The following USP9X variants were observed in gnomAD, a reference collection of about 807,000 sequenced individuals.
USP9X encodes the protein ubiquitin carboxyl-terminal hydrolase 9X.
A neutral mutation model predicts 190.3 loss-of-function variants in USP9X; 7 were observed. That is an observed-to-expected ratio of 0.04 (90% CI 0.02 to 0.07). USP9X has a LOEUF of 0.07. Among genes scored for constraint, USP9X ranks in the 10% least tolerant of loss-of-function variants. The probability of loss-of-function intolerance (pLI) is 1.00; values close to 1 mark genes in which losing one functional copy is unlikely to be tolerated. For missense variants in USP9X, 1,010 were observed against 1,916.9 expected, an observed-to-expected ratio of 0.53 and a Z score of 8.83; for synonymous variants, 645 against 659.5, an observed-to-expected ratio of 0.98 and a Z score of 0.34.
chrX:41,102,819 G>A (rs2062044056), intron 1 of USP9X, among the ~76,000 whole-genome samples: 1 of 107,144 alleles, frequency 9.3e-6, no homozygotes, highest in Non-Finnish European at 1.9e-5. Context: ...TTGAGACGGA[G>A]TCTTGCTCTC....
chrX:41,125,684 A>ACACACACACACACCCTCTCTCTCTCTCT, intron 2 of USP9X, among the ~76,000 whole-genome samples: 1 of 19,027 alleles, frequency 5.3e-5, no homozygotes, highest in Non-Finnish European at 9.0e-5. Context: ...ACACACACAC[A>ACACACACACACACCCTCTCTCTCTCTCT]CTCTCTCTCT....
chrX:41,165,224 CTG>C (rs1363042075), intron 15 of USP9X, among the ~76,000 whole-genome samples: 2 of 111,318 alleles, frequency 1.8e-5, no homozygotes, highest in African/African-American at 6.5e-5. Context: ...TTAAATATGA[CTG>C]TTGTTAATTG....
At chrX:41,206,893 G>A (rs1284304807) in intron 32 of USP9X, among the ~76,000 whole-genome samples, 1 of 106,381 alleles carries the variant, frequency 9.4e-6, no homozygotes, top group African/African-American at 3.4e-5. Flanking sequence ...TTCTGCCTCA[G>A]CCTCCTGAGT....
chrX:41,225,539 G>A (rs917286664), intron 41 of USP9X, among the ~76,000 whole-genome samples: 4 of 112,132 alleles, frequency 3.6e-5, no homozygotes, highest in Admixed American at 1.9e-4. Flanking sequence ...TATGTAAAAA[G>A]TCTTCAGGTA....
chrX:41,184,744 A>ATT (rs2062858639), intron 23 of USP9X, 69 bp downstream of exon 23: 39 of 929,751 alleles, frequency 4.2e-5, no homozygotes, highest in Admixed American at 6.3e-5. Flanking sequence ...ACTAATTAGT[A>ATT]TTTTAAGTGT....
At chrX:41,130,721 CTTTTTCTTTTT>C (rs1353269470) in intron 3 of USP9X, among the ~76,000 whole-genome samples, 5 of 93,444 alleles carry the variant, frequency 5.4e-5, no homozygotes, top group Admixed American at 2.5e-4. Context: ...CTTTTCTTTT[CTTTTTCTTTTT>C]TTTTTCCTTT....
At chrX:41,103,002 C>G (rs1230569748) in intron 1 of USP9X, among the ~76,000 whole-genome samples, 1 of 111,408 alleles carries the variant, frequency 9.0e-6, no homozygotes, top group Non-Finnish European at 1.9e-5. Flanking sequence ...CCATATTGGC[C>G]AGGCTAGTCT....
In USP9X at chrX:41,236,301, T is replaced by A. The variant is rs748165320; in HGVS notation, c.*3777T>A. The A allele has an allele frequency of 1.8e-5, 2 of 112,211 alleles. No individual in the cohort carries two copies. Among genetic ancestry groups the A allele is most frequent in the Non-Finnish European group, 3.8e-5 (2 of 53,220 alleles). 9.2% of individuals were successfully genotyped at this position (112,211 alleles called of 1,213,427 possible). On this transcript the variant is annotated 3_prime_UTR_variant, in exon 45 of 45. Coordinates refer to ENST00000378308, the MANE Select transcript of USP9X (RefSeq NM_001039591.3). ...ACAGAAGTGCTAAGTGTATTGAGAATTTGCTGCTGATTGTATTTATAACAA... is the reference window on the plus strand; with the variant it reads ...ACAGAAGTGCTAAGTGTATTGAGAAATTGCTGCTGATTGTATTTATAACAA...
intron 1 of USP9X, among the ~76,000 whole-genome samples, chrX:41,101,384 C>T (rs1250031782): frequency 9.2e-6 from 1 of 108,415 alleles, no homozygotes; most frequent in Admixed American, 9.9e-5. Context: ...TCGAGAGCAG[C>T]CTGGCCAATA....
intron 14 of USP9X, among the ~76,000 whole-genome samples, chrX:41,155,695 A>G (rs1274094365): frequency 3.9e-5 from 4 of 101,290 alleles, no homozygotes; most frequent in Non-Finnish European, 8.2e-5. Flanking sequence ...TTTTCTCAGG[A>G]CTCATTCCTT....
At chrX:41,147,627 A>G (rs1026011138) in intron 11 of USP9X, among the ~76,000 whole-genome samples, 3 of 109,861 alleles carry the variant, frequency 2.7e-5, no homozygotes, top group Non-Finnish European at 5.7e-5. Context: ...CTAATTTTGT[A>G]TATTTAGTAG....
intron 2 of USP9X, among the ~76,000 whole-genome samples, chrX:41,125,684 A>ACACACACACACACTCTCTCTCT: frequency 1.2e-3 from 22 of 19,009 alleles, no homozygotes; most frequent in East Asian, 3.9e-3. Flanking sequence ...ACACACACAC[A>ACACACACACACACTCTCTCTCT]CTCTCTCTCT....
intron 39 of USP9X, among the ~76,000 whole-genome samples, chrX:41,223,654 C>T (rs185881651): frequency 2.7e-5 from 3 of 111,414 alleles, no homozygotes; most frequent in African/African-American, 9.8e-5. Context: ...TCATGCTGGT[C>T]TCGAACTCCT....
intron 20 of USP9X, among the ~76,000 whole-genome samples, chrX:41,171,205 A>G (rs987742101): frequency 9.0e-6 from 1 of 111,630 alleles, no homozygotes; most frequent in African/African-American, 3.3e-5. Context: ...ATGGTGGCTC[A>G]CACCTGTAAT....
rs771727851 is a variant in USP9X, at chrX:41,114,463, T to C, written c.-158-9008T>C. 2.7e-5 allele frequency among the ~76,000 whole-genome samples: 3 copies of C among 109,871 alleles called. No homozygotes were observed. In the South Asian group the frequency reaches 1.1e-3, roughly 42 times the overall value. On this transcript the variant is annotated intron_variant, in intron 1 of 44. Coordinates refer to ENST00000378308, the MANE Select transcript of USP9X (RefSeq NM_001039591.3). ...ACTATAAATACATTTTCTGATTTTC[T>C]TCTTTCCTTTTTTTTCCCTTTTCTT...
At chrX:41,140,888 G>C in intron 7 of USP9X, 78 bp from the exon 8 acceptor site, 1 of 1,090,365 alleles carries the variant, frequency 9.2e-7, no homozygotes, top group Non-Finnish European at 1.2e-6. Flanking sequence ...TTTTTTAAAA[G>C]TAATATAAAG....
At chrX:41,206,146 C>T (rs768649233) in intron 32 of USP9X, among the ~76,000 whole-genome samples, 1 of 111,343 alleles carries the variant, frequency 9.0e-6, no homozygotes, top group Admixed American at 9.6e-5. Flanking sequence ...CCATCTCAGC[C>T]TCCCAAAGTG....
At chrX:41,116,986 T>A (rs1340499231) in intron 1 of USP9X, among the ~76,000 whole-genome samples, 1 of 111,713 alleles carries the variant, frequency 9.0e-6, no homozygotes, top group Non-Finnish European at 1.9e-5. Context: ...GGGAAAGGGA[T>A]CAAATTCTTA....
chrX:41,125,672 ACACACACACACACT>A (rs1386615160), intron 2 of USP9X, among the ~76,000 whole-genome samples: 19 of 48,655 alleles, frequency 3.9e-4, no homozygotes, highest in South Asian at 1.0e-3. Context: ...ACACACACAC[ACACACACACACACT>A]CTCTCTCTCT....
Sources: allele counts gnomAD v4.1 joint callset (sites outside exome capture counted in the v4.1 genomes callset), GRCh38; gene constraint gnomAD v4.1.1; transcripts MANE v1.5; gene names NCBI Gene and HGNC (gene_info 2026-07-23, HGNC 2026-07-21).